BIN1: variants seen among roughly 807,000 people sequenced by gnomAD.
BIN1 encodes the protein bridging integrator 1.
A neutral mutation model predicts 82.0 loss-of-function variants in BIN1; 53 were observed. The ratio of observed to expected loss-of-function variants is 0.65; its 90% confidence interval spans 0.52 to 0.81. The LOEUF (loss-of-function observed/expected upper bound fraction) is 0.81, where lower values mean the gene tolerates loss of function less well. BIN1 is among the 40% of genes least tolerant of loss of function. The probability of loss-of-function intolerance (pLI) is 0.00; values close to 1 mark genes in which losing one functional copy is unlikely to be tolerated. For missense variants in BIN1, 642 were observed against 784.4 expected (o/e 0.82, Z 2.17); for synonymous variants, 302 against 328.0 (o/e 0.92, Z 0.86).
intron 1 of BIN1, among the ~76,000 whole-genome samples, chr2:127,103,707 C>T (rs867520512): frequency 6.6e-6 from 1 of 152,232 alleles, no homozygotes; most frequent in African/African-American, 2.4e-5. Flanking sequence ...CCAGGCGCCC[C>T]ATCCCGCGAG....
In BIN1 at chr2:127,093,195, C is replaced by T. The variant is rs1679164074; in HGVS notation, c.84+13665G>A. ...CAAGGCCCTGTCGGGGCTCAGAACA[C>T]AGCACCCCAAAGTGTGGTGCTGTGG... On this transcript the variant is annotated intron_variant, in intron 1 of 18. Coordinates refer to ENST00000316724, the MANE Select transcript of BIN1 (RefSeq NM_139343.3). This position sits in a 1 kb window ranked among gnomAD's most constrained non-coding sequence, Gnocchi z 5.7. Among the ~76,000 whole-genome samples, 1 of 152,208 alleles carries T rather than the reference C, an allele frequency of 6.6e-6. No homozygotes were observed. The highest frequency in any genetic ancestry group is 1.5e-5 in the Non-Finnish European group (1 of 68,034).
chr2:127,100,340 C>T (rs1680154308), intron 1 of BIN1, among the ~76,000 whole-genome samples: 2 of 152,198 alleles, frequency 1.3e-5, no homozygotes, highest in South Asian at 4.1e-4. Context: ...TTGGGAGGGT[C>T]TTGGGGACCA....
chr2:127,064,142 G>T, intron 7 of BIN1, 124 bp from the exon 8 acceptor site: 1 of 1,094,286 alleles, frequency 9.1e-7, no homozygotes, highest in Non-Finnish European at 1.4e-6. Context: ...CTCCGGGCAA[G>T]ACAGAGGCTG....
chr2:127,051,339 GC>G, intron 15 of BIN1, 96 bp from the exon 16 acceptor site: 1 of 1,262,738 alleles, frequency 7.9e-7, no homozygotes, highest in East Asian at 2.5e-5. Context: ...AAGCGACAGG[GC>G]CGGGGGCATC....
At chr2:127,086,903 C>A (rs888979344) in intron 1 of BIN1, among the ~76,000 whole-genome samples, 1 of 152,178 alleles carries the variant, frequency 6.6e-6, no homozygotes, top group Admixed American at 6.5e-5. Context: ...CATGCTCCGT[C>A]CCCTGACACC....
At chr2:127,054,157 G>A (rs938053129) in intron 12 of BIN1, 145 bp from the exon 13 acceptor site, 22 of 706,336 alleles carry the variant, frequency 3.1e-5, no homozygotes, top group African/African-American at 1.7e-4. Flanking sequence ...GCACATACAC[G>A]CACACACGCT....
At chr2:127,077,164 C>A (rs1686716853) in intron 1 of BIN1, among the ~76,000 whole-genome samples, 1 of 152,224 alleles carries the variant, frequency 6.6e-6, no homozygotes, top group African/African-American at 2.4e-5. Context: ...CCACAGGCAA[C>A]AGCAGAGCAG....
chr2:127,048,214 C>T lies in BIN1; in HGVS notation c.*312G>A. 2.4e-6 allele frequency: 1 copy of T among 415,392 alleles called. No individual in the cohort carries two copies. Among genetic ancestry groups the T allele is most frequent in the Non-Finnish European group, 4.5e-6 (1 of 221,630 alleles). The allele number at this position is 415,392 out of a possible 1,614,324, so 25.7% of individuals were successfully genotyped here. A position where few individuals can be genotyped will look rare whatever the true frequency, so the allele number is the denominator to read the frequency against. ...TGGCGCGGCCGAAGCTTCAGGCAAG[C>T]ATGGTGGCTCGGCAGCCCCCAGCCC... On this transcript the variant is annotated 3_prime_UTR_variant, in exon 19 of 19. Transcript: ENST00000316724.
At chr2:127,072,811 C>T (rs755055306) in intron 2 of BIN1, among the ~76,000 whole-genome samples, 52 of 152,116 alleles carry the variant, frequency 3.4e-4, no homozygotes, top group Admixed American at 1.6e-3. Flanking sequence ...ATGGAGACCC[C>T]GCGGGGCCGG....
intron 7 of BIN1, among the ~76,000 whole-genome samples, chr2:127,066,569 A>C (rs1486523243): frequency 1.3e-5 from 2 of 152,296 alleles, no homozygotes; most frequent in East Asian, 3.9e-4. Flanking sequence ...TGCTGAACTG[A>C]CTGGCAGGGC....
chr2:127,050,577 C>T (rs1682790273), intron 17 of BIN1, 55 bp from the exon 18 acceptor site: 2 of 1,591,614 alleles, frequency 1.3e-6, no homozygotes, highest in Admixed American at 1.7e-5. Flanking sequence ...CAGCCCTGCA[C>T]AGAGCACGGG....
At chr2:127,050,228 C>T (rs1357377231) in intron 18 of BIN1, among the ~76,000 whole-genome samples, 193 bp downstream of exon 18, 2 of 152,010 alleles carry the variant, frequency 1.3e-5, no homozygotes, top group Non-Finnish European at 2.9e-5. Flanking sequence ...AGGAGAGGGG[C>T]CAAGGGAAGG....
In BIN1 at chr2:127,053,872, G is replaced by C. The variant is rs1403675884; in HGVS notation, c.1239+33C>G. 7 of 1,542,902 alleles carry C rather than the reference G, an allele frequency of 4.5e-6. No individual in the cohort carries two copies. The African/African-American group carries it at 9.6e-5, about 21-fold the overall frequency. On this transcript the variant is annotated intron_variant, in intron 13 of 18. Coordinates refer to ENST00000316724, the MANE Select transcript of BIN1 (RefSeq NM_139343.3). ...CCCAGGGTTGGGCACCTGGAAGCTG[G>C]TGGGCCCATGGGCAGTGGTGGGCAC... is the stretch of plus-strand genomic sequence containing the variant.
At chr2:127,062,339 A>C (rs1684614627) in intron 9 of BIN1, 142 bp from the exon 10 acceptor site, 1 of 847,012 alleles carries the variant, frequency 1.2e-6, no homozygotes, top group African/African-American at 1.7e-5. Flanking sequence ...AGAGCAAGGA[A>C]CTAGCACACC....
At chr2:127,072,932 C>T (rs777113284) in intron 2 of BIN1, among the ~76,000 whole-genome samples, 13 of 152,182 alleles carry the variant, frequency 8.5e-5, no homozygotes, top group African/African-American at 1.4e-4. Context: ...GGGATGCTAT[C>T]GTGTCCTCTG....
At chr2:127,072,369 C>T (rs1183123117) in intron 2 of BIN1, among the ~76,000 whole-genome samples, 1 of 152,216 alleles carries the variant, frequency 6.6e-6, no homozygotes, top group Non-Finnish European at 1.5e-5. Context: ...CACCACTGTC[C>T]CACCTGACAG....
chr2:127,059,304 G>A lies in BIN1; in HGVS notation c.858-149C>T. On this transcript the variant is annotated intron_variant, in intron 10 of 18. Transcript: ENST00000316724. This position sits in a 1 kb window ranked among gnomAD's most constrained non-coding sequence, Gnocchi z 6.7. Reference sequence around the variant, plus strand: ...TGTGTGTGTGTGTGTATGTGAGAGAGAGCAGGAGGGTGGGGGGAGCCAAGG... The same window carrying A: ...TGTGTGTGTGTGTGTATGTGAGAGAAAGCAGGAGGGTGGGGGGAGCCAAGG... 1.5e-6 allele frequency: 1 copy of A among 674,052 alleles called. No homozygotes were observed. Among genetic ancestry groups the A allele is most frequent in the Non-Finnish European group, 2.4e-6 (1 of 423,178 alleles). 41.8% of individuals were successfully genotyped at this position (674,052 alleles called of 1,614,324 possible). A position where few individuals can be genotyped will look rare whatever the true frequency, so the allele number is the denominator to read the frequency against.
At chr2:127,095,130 T>C (rs1193046917) in intron 1 of BIN1, among the ~76,000 whole-genome samples, 1 of 152,254 alleles carries the variant, frequency 6.6e-6, no homozygotes, top group East Asian at 1.9e-4. Flanking sequence ...ATTTGGGTCC[T>C]GTCCCAGGTT....
chr2:127,068,867 C>T lies in BIN1; in HGVS notation c.519+57G>A. Reference sequence around the variant, plus strand: ...AAGCCTCCACCCTCGGGGTCCTAGACACCCGCCCTCTCTCAGCCCCCTGCA... The same window carrying T: ...AAGCCTCCACCCTCGGGGTCCTAGATACCCGCCCTCTCTCAGCCCCCTGCA... On this transcript the variant is annotated intron_variant, in intron 6 of 18. Transcript: ENST00000316724. The surrounding 1 kb of genome is among the most constrained non-coding windows in gnomAD (Gnocchi z 4.9). 6.6e-7 allele frequency: 1 copy of T among 1,518,806 alleles called. No homozygotes were observed. Among genetic ancestry groups the T allele is most frequent in the Non-Finnish European group, 9.1e-7 (1 of 1,095,062 alleles). 94.1% of individuals were successfully genotyped at this position (1,518,806 alleles called of 1,614,324 possible). A position where few individuals can be genotyped will look rare whatever the true frequency, so the allele number is the denominator to read the frequency against.
Sources: gnomAD v4.1 joint callset for allele counts (sites outside exome capture counted in the v4.1 genomes callset) on GRCh38, gnomAD v4.1.1 for gene constraint, Gnocchi (gnomAD v3.1) non-coding constraint, MANE v1.5 for transcripts, NCBI Gene and HGNC (gene_info 2026-07-23, HGNC 2026-07-21) for gene names.